Variants in NLRP3 observed in about 807,000 individuals in gnomAD.
The protein encoded by NLRP3 is NACHT, LRR and PYD domains-containing protein 3.
A neutral mutation model predicts 91.3 loss-of-function variants in NLRP3; 48 were observed. The ratio of observed to expected loss-of-function variants is 0.53; its 90% CI spans 0.42 to 0.67. The LOEUF is 0.67. Among genes scored for constraint, NLRP3 ranks in the 30% least tolerant of loss-of-function variants. The pLI is 0.00. For synonymous variants in NLRP3, 561 were observed against 507.9 expected (o/e 1.10, Z -1.41); for missense variants, 982 against 1,276.9 (o/e 0.77, Z 3.52).
chr1:247,419,077 G>T lies in NLRP3; in HGVS notation c.277G>T (p.Gly93Cys). 1 of 1,609,130 alleles carries T rather than the reference G, an allele frequency of 6.2e-7. No homozygotes were observed. ...EKAKRDEPKW[G>C]SDNARVSNPT... ...AGCAAAAAGAGATGAGCCGAAGTGG[G>T]GTGAGTGGAAGGAAGACTTTTAAAA... Residue 93 changes from glycine (G) to cysteine (C), a missense_variant and splice_region_variant, in exon 2 of 10, where the codon GGT becomes TGT. Transcript: ENST00000336119.
intron 7 of NLRP3, among the ~76,000 whole-genome samples, chr1:247,441,137 TTCTTTCTTTCTC>T (rs1392042148): frequency 7.4e-3 from 177 of 23,856 alleles, no homozygotes; most frequent in Admixed American, 0.044. Context: ...TTCTCTTTCT[TTCTTTCTTTCTC>T]TCTCTCTCTC....
Position 247,425,599 on chromosome 1 carries a change from G to A in NLRP3, c.2150G>A (p.Gly717Glu). The change falls in exon 4 of 10, where the codon GGA becomes GAA. Residue 717 changes from glycine (G) to glutamate (E), a missense_variant and splice_region_variant. By Grantham distance (98) the Gly-to-Glu change is moderately conservative. Around this residue, in one of 5 missense-constraint regions of NLRP3, gnomAD observed 373 missense variants for 431.5 expected, o/e 0.86. Coordinates refer to ENST00000336119, the MANE Select transcript of NLRP3 (RefSeq NM_001243133.2). This position sits in a 1 kb window ranked among gnomAD's most constrained non-coding sequence, Gnocchi z 4.1. ...TCCTCTCATGCTGCCTGTTCTCATG[G>A]GTAAGGAAACTCGGCTTCCAGGTGC... The part of the protein sequence containing the change: ...PSSSHAACSH[G>E]LVNSHLTSSF... 1 of 1,604,432 alleles carries A rather than the reference G, an allele frequency of 6.2e-7. No individual in the cohort carries two copies. The highest frequency in any genetic ancestry group is 1.1e-5 in the South Asian group (1 of 91,030).
At position 247,424,460 on chromosome 1, in the gene NLRP3, G is replaced by T. The variant is rs766978634; in HGVS notation, c.1011G>T (p.Lys337Asn). 1 of 1,614,212 alleles carries T rather than the reference G, an allele frequency of 6.2e-7. No homozygotes were observed. The highest frequency in any genetic ancestry group is 8.5e-7 in the Non-Finnish European group (1 of 1,180,052). ...TCCTGAGCAGCCTCATCAGAAAGAA[G>T]CTGCTTCCCGAGGCCTCTCTGCTCA... ...DILLSSLIRK[K>N]LLPEASLLIT... The change falls in exon 4 of 10, where the codon AAG (lysine) becomes AAT (asparagine). Residue 337 changes from lysine to asparagine, a missense_variant. This residue lies in a region of NLRP3 where 548 missense variants were observed against 713.7 expected (regional missense o/e 0.77). Transcript: ENST00000336119. This position sits in a 1 kb window ranked among gnomAD's most constrained non-coding sequence, Gnocchi z 8.1.
In NLRP3 at chr1:247,424,286, C is replaced by T. The variant is rs368745165; in HGVS notation, c.837C>T (p.Pro279=). ...SLGDLIMSCC[P]DPNPPIHKIV... is the part of the protein sequence containing the mutation. ...GGGACCTGATCATGAGCTGCTGCCC[C>T]GACCCAAACCCACCCATCCACAAGA... Residue 279 remains proline, a synonymous_variant, in exon 4 of 10, where the codon CCC becomes CCT. Transcript: ENST00000336119. The surrounding 1 kb of genome is among the most constrained non-coding windows in gnomAD (Gnocchi z 8.1). 72 of 1,613,868 alleles carry T rather than the reference C, an allele frequency of 4.5e-5. No individual in the cohort carries two copies. Among genetic ancestry groups the T allele is most frequent in the Middle Eastern group, 1.6e-4 (1 of 6,084 alleles).
chr1:247,444,418 G>C (rs1172135114), intron 8 of NLRP3, among the ~76,000 whole-genome samples: 1 of 151,840 alleles, frequency 6.6e-6, no homozygotes, highest in Admixed American at 6.6e-5. Flanking sequence ...CACAGAATTT[G>C]GTAAATCAAT....
rs1412724511 is a variant in NLRP3, at chr1:247,444,786, G to A, written c.2970G>A (p.Val990=). 1 of 1,614,118 alleles carries A rather than the reference G, an allele frequency of 6.2e-7. No individual in the cohort carries two copies. Among genetic ancestry groups the A allele is most frequent in the East Asian group, 2.2e-5 (1 of 44,888 alleles). ...GDLGVMMFCE[V]LKQQSCLLQN... The stretch of plus-strand genomic sequence containing the variant: ...TGGGGGTCATGATGTTCTGTGAAGT[G>A]CTGAAACAGCAGAGCTGCCTCCTGC... Residue 990 remains valine, a synonymous_variant, in exon 9 of 10, where the codon GTG becomes GTA. Transcript: ENST00000336119.
At chr1:247,447,305 G>C (rs550521571) in intron 9 of NLRP3, among the ~76,000 whole-genome samples, 1 of 152,168 alleles carries the variant, frequency 6.6e-6, no homozygotes, top group East Asian at 1.9e-4. Flanking sequence ...AGACAGGGGA[G>C]AAAGAACAAA....
At chr1:247,420,007 A>G (rs1166074041) in intron 2 of NLRP3, among the ~76,000 whole-genome samples, 2 of 152,260 alleles carry the variant, frequency 1.3e-5, no homozygotes, top group Non-Finnish European at 2.9e-5. Flanking sequence ...TTTAGATACC[A>G]TCTGCACCAT....
intron 2 of NLRP3, among the ~76,000 whole-genome samples, chr1:247,420,478 C>G (rs1169927336): frequency 2.0e-5 from 3 of 151,662 alleles, no homozygotes; most frequent in Non-Finnish European, 2.9e-5. Flanking sequence ...CTTTGTGAGG[C>G]TGAGGTGGGT....
In NLRP3 at chr1:247,423,913, G is replaced by A. The variant is rs533920557; in HGVS notation, c.464G>A (p.Arg155His). The A allele has an allele frequency of 3.1e-6, 5 of 1,614,014 alleles. No homozygotes were observed. In the South Asian group the frequency reaches 3.3e-5, roughly 11 times the overall value. Residue 155 changes from arginine to histidine, a missense_variant, in exon 4 of 10, where the codon CGT becomes CAT. This residue lies in a region of NLRP3 where 548 missense variants were observed against 713.7 expected (regional missense o/e 0.77). Transcript: ENST00000336119. The stretch of plus-strand genomic sequence containing the variant: ...CAGTGCATTGAAGACAGGAATGCCC[G>A]TCTGGGTGAGAGTGTGAGCCTCAAC... ...RFQCIEDRNA[R>H]LGESVSLNKR... is the part of the protein sequence containing the mutation.
chr1:247,438,798 T>C (rs1041045907), intron 7 of NLRP3, among the ~76,000 whole-genome samples: 1 of 152,208 alleles, frequency 6.6e-6, no homozygotes, highest in African/African-American at 2.4e-5. Flanking sequence ...TTCACAAACT[T>C]TTTATTAGAA....
At chr1:247,433,220 G>GA (rs201110211) in intron 5 of NLRP3, among the ~76,000 whole-genome samples, 2,903 of 150,296 alleles carry the variant, frequency 0.019, 32 homozygotes, top group Middle Eastern at 0.048. Context: ...AAAAAGAAAA[G>GA]AAAAGAAAAG....
Position 247,423,958 on chromosome 1 carries a change from G to A in NLRP3, c.509G>A (p.Arg170His), listed in dbSNP as rs769647268. 3 of 1,613,982 alleles carry A rather than the reference G, an allele frequency of 1.9e-6. No individual in the cohort carries two copies. Among genetic ancestry groups the A allele is most frequent in the Non-Finnish European group, 2.5e-6 (3 of 1,179,976 alleles). Residue 170 changes from arginine (R) to histidine (H), a missense_variant, in exon 4 of 10, where the codon CGT (arginine) becomes CAT (histidine). Arg to His is a conservative substitution (Grantham distance 29, BLOSUM62 0). Transcript: ENST00000336119. ...CTCAACAAACGCTACACACGACTGC[G>A]TCTCATCAAGGAGCACCGGAGCCAG... ...VSLNKRYTRLRLIKEHRSQQE... is the reference protein window; with the variant it reads ...VSLNKRYTRLHLIKEHRSQQE...
rs772915400 is a variant in NLRP3, at chr1:247,429,703, A to G, written c.2269A>G (p.Arg757Gly). The G allele has an allele frequency of 3.1e-6, 5 of 1,613,992 alleles. No individual in the cohort carries two copies. In the East Asian group the frequency reaches 1.1e-4, roughly 36 times the overall value. ...CAATTCTCTGGGGGACCCAGGGATG[A>G]GAGTGTTGTGTGAAACGCTCCAGCA... ...SDNSLGDPGMRVLCETLQHPG... is the reference protein window; with the variant it reads ...SDNSLGDPGMGVLCETLQHPG... Residue 757 changes from arginine to glycine, a missense_variant, in exon 5 of 10, where the codon AGA becomes GGA. Transcript: ENST00000336119.
At chr1:247,446,690 C>G (rs905336923) in intron 9 of NLRP3, among the ~76,000 whole-genome samples, 6 of 151,360 alleles carry the variant, frequency 4.0e-5, no homozygotes, top group African/African-American at 1.5e-4. Flanking sequence ...ACTTTTTCTT[C>G]TCTTCTCATT....
In NLRP3 at chr1:247,425,025, T is replaced by A. The variant is rs1201864980; in HGVS notation, c.1576T>A (p.Phe526Ile). The A allele has an allele frequency of 1.2e-6, 2 of 1,614,094 alleles. No homozygotes were observed. The highest frequency in any genetic ancestry group is 3.3e-5 in the Admixed American group (2 of 60,012). Residue 526 changes from phenylalanine to isoleucine, a missense_variant, in exon 4 of 10, where the codon TTC becomes ATC. Coordinates refer to ENST00000336119, the MANE Select transcript of NLRP3 (RefSeq NM_001243133.2). The surrounding 1 kb of genome is among the most constrained non-coding windows in gnomAD (Gnocchi z 4.1). The stretch of plus-strand genomic sequence containing the variant: ...CTTCATCCACATGACTTTCCAGGAG[T>A]TCTTTGCCGCCATGTACTACCTGCT... ...YSFIHMTFQE[F>I]FAAMYYLLEE... is the part of the protein sequence containing the mutation.
chr1:247,424,274 G>C lies in NLRP3; in HGVS notation c.825G>C (p.Met275Ile). 6.2e-7 allele frequency: 1 copy of C among 1,614,126 alleles called. No homozygotes were observed. The highest frequency in any genetic ancestry group is 8.5e-7 in the Non-Finnish European group (1 of 1,180,026). The change falls in exon 4 of 10, where the codon ATG becomes ATC. Residue 275 changes from methionine (M) to isoleucine (I), a missense_variant. Around this residue, in one of 5 missense-constraint regions of NLRP3, gnomAD observed 548 missense variants for 713.7 expected, o/e 0.77. Coordinates refer to ENST00000336119, the MANE Select transcript of NLRP3 (RefSeq NM_001243133.2). The surrounding 1 kb of genome is among the most constrained non-coding windows in gnomAD (Gnocchi z 8.1). ...VTQRSLGDLI[M>I]SCCPDPNPPI... ...AGAGGAGCCTGGGGGACCTGATCAT[G>C]AGCTGCTGCCCCGACCCAAACCCAC...
chr1:247,437,624 C>T (rs1384702608), intron 7 of NLRP3, among the ~76,000 whole-genome samples: 1 of 152,212 alleles, frequency 6.6e-6, no homozygotes, highest in South Asian at 2.1e-4. Context: ...ATTTTGCAGG[C>T]CCTCTGGGGG....
rs1427536623 is a variant in NLRP3, at chr1:247,424,950, C to T, written c.1501C>T (p.Leu501=). The T allele has an allele frequency of 1.2e-6, 2 of 1,613,984 alleles. No individual in the cohort carries two copies. The highest frequency in any genetic ancestry group is 8.5e-7 in the Non-Finnish European group (1 of 1,180,052). ...GCAGAAGGCGGATGTGTCTGCTTTC[C>T]TGAGGATGAACCTGTTCCAAAAGGA... The part of the protein sequence containing the change: ...GLQKADVSAF[L]RMNLFQKEVD... Residue 501 remains leucine, a synonymous_variant, in exon 4 of 10, where the codon CTG becomes TTG. Transcript: ENST00000336119. This position sits in a 1 kb window ranked among gnomAD's most constrained non-coding sequence, Gnocchi z 8.1.
Sources: allele counts gnomAD v4.1 joint callset (sites outside exome capture counted in the v4.1 genomes callset), GRCh38; gene constraint gnomAD v4.1.1; regional missense constraint gnomAD v4.1.1; non-coding constraint Gnocchi (gnomAD v3.1); transcripts MANE v1.5; gene names NCBI Gene and HGNC (gene_info 2026-07-23, HGNC 2026-07-21).